Variants in COL5A1 observed in about 807,000 individuals in gnomAD.
COL5A1 encodes collagen alpha-1(V) chain.
Under a neutral mutation model 263.7 loss-of-function variants are expected in COL5A1, and 16 were observed. That is an observed-to-expected ratio of 0.06 (90% CI 0.04 to 0.09). COL5A1 has a LOEUF of 0.09. COL5A1 is among the 10% of genes least tolerant of loss of function. COL5A1 has a pLI of 1.00. For missense variants in COL5A1, 2,036 were observed against 2,540.5 expected, an observed-to-expected ratio of 0.80 and a Z score of 4.27; for synonymous variants, 1,012 against 1,004.5, an observed-to-expected ratio of 1.01 and a Z score of -0.14.
At chr9:134,738,864 T>G (rs1192490022) in intron 11 of COL5A1, 56 bp downstream of exon 11, 8 of 1,419,394 alleles carry the variant, frequency 5.6e-6, no homozygotes, top group Non-Finnish European at 8.0e-6. Flanking sequence ...TGCCCACGCC[T>G]CCTCTCCACA....
At chr9:134,834,509 C>T (rs926590232) in intron 64 of COL5A1, among the ~76,000 whole-genome samples, 14 of 152,174 alleles carry the variant, frequency 9.2e-5, no homozygotes, top group Admixed American at 6.5e-5. Flanking sequence ...CTTTATCAAG[C>T]GCACACTGGG....
intron 28 of COL5A1, among the ~76,000 whole-genome samples, chr9:134,782,188 C>T (rs971002240): frequency 1.3e-5 from 2 of 152,236 alleles, no homozygotes; most frequent in Admixed American, 1.3e-4. Flanking sequence ...CCGGCAACAC[C>T]CCTACCCTTC....
intron 25 of COL5A1, among the ~76,000 whole-genome samples, chr9:134,769,394 T>C (rs552321087): frequency 8.5e-4 from 130 of 152,304 alleles, no homozygotes; most frequent in African/African-American, 3.0e-3. Context: ...CACATGGGAG[T>C]TTGCATACTG....
intron 1 of COL5A1, among the ~76,000 whole-genome samples, chr9:134,679,289 G>C (rs1272757784): frequency 6.7e-6 from 1 of 148,850 alleles, no homozygotes; most frequent in Non-Finnish European, 1.5e-5. Context: ...GGCACTGCCG[G>C]GCTGGTTGGG....
chr9:134,835,283 G>A lies in COL5A1; in HGVS notation c.5370+79G>A, dbSNP rs891032081. The A allele has an allele frequency of 3.6e-5, 48 of 1,323,604 alleles. No individual in the cohort carries two copies. In the African/African-American group the frequency reaches 5.9e-4, roughly 16 times the overall value. 82.0% of individuals were successfully genotyped at this position (1,323,604 alleles called of 1,614,324 possible). A position where few individuals can be genotyped will look rare whatever the true frequency, so the allele number is the denominator to read the frequency against. The stretch of plus-strand genomic sequence containing the variant: ...CTCCTCACTCAGCACGGGTTTACCT[G>A]TCCCCAAGATGCCTGCCAGAGGGCA... On this transcript the variant is annotated intron_variant, in intron 65 of 65. Coordinates refer to ENST00000371817, the MANE Select transcript of COL5A1 (RefSeq NM_000093.5).
Position 134,647,694 on chromosome 9 carries a change from A to C in COL5A1, c.109+5398A>C, listed in dbSNP as rs1831520498. Reference sequence around the variant, plus strand: ...GAGGCTGTGGGTTCTGCCGCAGGGCAAGCCGGGTCCAGCTGGATCCGACAA... The same window carrying C: ...GAGGCTGTGGGTTCTGCCGCAGGGCCAGCCGGGTCCAGCTGGATCCGACAA... On this transcript the variant is annotated intron_variant, in intron 1 of 65. Coordinates refer to ENST00000371817, the MANE Select transcript of COL5A1 (RefSeq NM_000093.5). This position sits in a 1 kb window ranked among gnomAD's most constrained non-coding sequence, Gnocchi z 5.0. Among the ~76,000 whole-genome samples, 1 of 152,206 alleles carries C rather than the reference A, an allele frequency of 6.6e-6. No individual in the cohort carries two copies. Among genetic ancestry groups the C allele is most frequent in the Non-Finnish European group, 1.5e-5 (1 of 68,038 alleles).
chr9:134,838,590 C>T (rs189932235), intron 65 of COL5A1, among the ~76,000 whole-genome samples: 1 of 152,316 alleles, frequency 6.6e-6, no homozygotes, highest in Non-Finnish European at 1.5e-5. Context: ...CACTCTCTCG[C>T]CCCCTTCCCC....
intron 1 of COL5A1, among the ~76,000 whole-genome samples, chr9:134,654,903 G>A (rs1472104535): frequency 2.3e-5 from 3 of 132,388 alleles, no homozygotes; most frequent in Non-Finnish European, 1.6e-5. Context: ...GGGGTGTGTA[G>A]GGCTGGTGTT....
chr9:134,698,482 T>C (rs2132566464), intron 2 of COL5A1, among the ~76,000 whole-genome samples: 1 of 152,314 alleles, frequency 6.6e-6, no homozygotes, highest in African/African-American at 2.4e-5. Flanking sequence ...GGCCCCTCAT[T>C]TTGCAGAACC....
Position 134,679,701 on chromosome 9 carries a change from GGGGGCACTGCAGAGCTGGTTAC to G in COL5A1, c.110-11201_110-11180del, listed in dbSNP as rs1257803062. ...TCTTGGGGCACTGCGGGGCTGGTTA[GGGGGCACTGCAGAGCTGGTTAC>G]GGGGCACTGTGGGGCTTCTTAAGGG... On this transcript the variant is annotated intron_variant, in intron 1 of 65. Coordinates refer to ENST00000371817, the MANE Select transcript of COL5A1 (RefSeq NM_000093.5). 2.3e-3 allele frequency among the ~76,000 whole-genome samples: 306 copies of G among 134,622 alleles called. 5 individuals are homozygous for G. The highest frequency in any genetic ancestry group is 8.4e-3 in the African/African-American group (284 of 33,878). 88.3% of individuals were successfully genotyped at this position (134,622 alleles called of 152,430 possible).
chr9:134,756,929 G>A, intron 17 of COL5A1, 111 bp downstream of exon 17: 1 of 1,079,032 alleles, frequency 9.3e-7, no homozygotes, highest in Non-Finnish European at 1.4e-6. Flanking sequence ...ATGATGACAG[G>A]TGGCTCCGTC....
chr9:134,753,765 T>TCCCCCCCCCCCCCCCCCCCC, intron 14 of COL5A1, 85 bp from the exon 15 acceptor site: 1 of 485,446 alleles, frequency 2.1e-6, no homozygotes. Context: ...CCCCTCCCCC[T>TCCCCCCCCCCCCCCCCCCCC]GCCCCTCCCC....
intron 63 of COL5A1, among the ~76,000 whole-genome samples, chr9:134,826,554 GGT>G (rs367856120): frequency 0.021 from 2,801 of 134,176 alleles, 77 homozygotes; most frequent in African/African-American, 0.074. Flanking sequence ...GTGTGTGAAT[GGT>G]GTGTGTGTGT....
Position 134,761,932 on chromosome 9 carries a change from C to G in COL5A1, c.1943C>G (p.Pro648Arg), listed in dbSNP as rs143211526. ...LPGEKGHRGD[P>R]GPSGPPGPPG... ...GACCCTTTCACTTCCTAGGGTGACC[C>G]TGGTCCTTCCGGCCCACCAGGACCT... Residue 648 changes from proline to arginine, a missense_variant, in exon 19 of 66, where the codon CCT becomes CGT. By Grantham distance (103) the Pro-to-Arg change is moderately radical. This residue lies in a region of COL5A1 where 1,078 missense variants were observed against 1,521.4 expected (regional missense o/e 0.71). Coordinates refer to ENST00000371817, the MANE Select transcript of COL5A1 (RefSeq NM_000093.5). 2.0e-5 allele frequency: 33 copies of G among 1,613,432 alleles called. No homozygotes were observed. The Middle Eastern group carries it at 6.6e-4, about 32-fold the overall frequency.
At chr9:134,835,906 G>A (rs1055590009) in intron 65 of COL5A1, among the ~76,000 whole-genome samples, 4 of 152,230 alleles carry the variant, frequency 2.6e-5, no homozygotes, top group African/African-American at 7.2e-5. Context: ...GCGTGTCCTG[G>A]AGGTGTTTAG....
chr9:134,669,642 A>T (rs1487552167), intron 1 of COL5A1, among the ~76,000 whole-genome samples: 1 of 152,160 alleles, frequency 6.6e-6, no homozygotes, highest in Non-Finnish European at 1.5e-5. Flanking sequence ...ATCCAGTTGC[A>T]GCAGCAGCCG....
chr9:134,808,123 G>A (rs1417998656), intron 42 of COL5A1, among the ~76,000 whole-genome samples: 1 of 152,190 alleles, frequency 6.6e-6, no homozygotes, highest in Non-Finnish European at 1.5e-5. Context: ...AGTTTGAGGA[G>A]CAGGACATGA....
chr9:134,714,047 C>T (rs1450908861), intron 4 of COL5A1, among the ~76,000 whole-genome samples: 1 of 152,226 alleles, frequency 6.6e-6, no homozygotes, highest in Non-Finnish European at 1.5e-5. Flanking sequence ...TGCTGCCTCC[C>T]AAGTCTTCTC....
At chr9:134,694,004 A>G (rs2132556667) in intron 2 of COL5A1, among the ~76,000 whole-genome samples, 2 of 152,306 alleles carry the variant, frequency 1.3e-5, no homozygotes, top group Admixed American at 1.3e-4. Flanking sequence ...TTGTAGAGGT[A>G]GAAGAGAGGG....
Sources: allele counts gnomAD v4.1 joint callset (sites outside exome capture counted in the v4.1 genomes callset), GRCh38; gene constraint gnomAD v4.1.1; regional missense constraint gnomAD v4.1.1; non-coding constraint Gnocchi (gnomAD v3.1); transcripts MANE v1.5; gene names NCBI Gene and HGNC (gene_info 2026-07-23, HGNC 2026-07-21).